The following SPATA6 variants were observed in gnomAD, a reference collection of about 807,000 sequenced individuals.
SPATA6 encodes spermatogenesis associated 6, also known as spermatogenesis-associated protein 6.
In SPATA6, 56 loss-of-function variants were observed where a neutral mutation model predicts 65.3. That is an observed-to-expected ratio of 0.86 (90% confidence interval 0.69 to 1.07). The LOEUF is 1.07. Ranked by LOEUF, SPATA6 falls within the 50% of genes least tolerant of loss-of-function variation. The pLI is 0.00. For synonymous variants in SPATA6, 199 were observed against 213.2 expected (o/e 0.93, Z 0.58); for missense variants, 590 against 594.8 (o/e 0.99, Z 0.08).
At chr1:48,453,862 G>GGAAGGAAGGTGAC (rs1420045174) in intron 1 of SPATA6, among the ~76,000 whole-genome samples, 2 of 150,788 alleles carry the variant, frequency 1.3e-5, no homozygotes, top group East Asian at 3.9e-4. Context: ...AGGAAGGTGA[G>GGAAGGAAGGTGAC]AAGGAAGGAA....
Position 48,436,480 on chromosome 1 carries a change from T to C in SPATA6, c.238+15072A>G, listed in dbSNP as rs1654948863. On this transcript the variant is annotated intron_variant, in intron 3 of 12. Transcript: ENST00000371847. ...CATTATCTTTGGAGCTGTGAGAGGG[T>C]TGAACTATCTGTACCAAAATGGCTG... 8 of 1,608,998 alleles carry C rather than the reference T, an allele frequency of 5.0e-6. No individual in the cohort carries two copies. In the East Asian group the frequency reaches 6.7e-5, roughly 13 times the overall value.
chr1:48,364,006 GT>G (rs1194987654), intron 9 of SPATA6, among the ~76,000 whole-genome samples: 1 of 151,032 alleles, frequency 6.6e-6, no homozygotes, highest in Non-Finnish European at 1.5e-5. Flanking sequence ...CTGTGTCCAT[GT>G]GCTCTCCTTG....
chr1:48,369,743 C>T (rs1358514851), intron 9 of SPATA6, among the ~76,000 whole-genome samples: 4 of 152,230 alleles, frequency 2.6e-5, no homozygotes, highest in Non-Finnish European at 5.9e-5. Context: ...TGAGGCAATG[C>T]CTCGTCCTGC....
At chr1:48,317,811 C>G (rs1645483292) in intron 11 of SPATA6, among the ~76,000 whole-genome samples, 1 of 152,156 alleles carries the variant, frequency 6.6e-6, no homozygotes, top group South Asian at 2.1e-4. Context: ...CTCACCAACT[C>G]ATTCTATAAG....
intron 7 of SPATA6, 48 bp downstream of exon 7, chr1:48,399,303 G>GA (rs532348242): frequency 5.5e-5 from 85 of 1,553,168 alleles, no homozygotes; most frequent in Admixed American, 8.2e-5. Context: ...GTTTTTTTGG[G>GA]AAAAAAGCTG....
chr1:48,364,273 T>G (rs1489209453), intron 9 of SPATA6, among the ~76,000 whole-genome samples: 2 of 152,246 alleles, frequency 1.3e-5, no homozygotes, highest in Non-Finnish European at 2.9e-5. Context: ...CATGTGCATG[T>G]GTCTTTATAG....
chr1:48,283,176 A>ACC, the SPATA6 span, among the ~76,000 whole-genome samples: 2 of 80,636 alleles, frequency 2.5e-5, no homozygotes, highest in Non-Finnish European at 4.8e-5. Context: ...CACTCTAGGG[A>ACC]CTGTTGTGGG....
At chr1:48,403,915 T>C (rs1224018785) in intron 5 of SPATA6, 33 bp from the exon 6 acceptor site, 1 of 1,462,964 alleles carries the variant, frequency 6.8e-7, no homozygotes. Flanking sequence ...TATTACACAT[T>C]TCCATTTAAA....
At chr1:48,462,633 A>G (rs1657532062) in intron 1 of SPATA6, among the ~76,000 whole-genome samples, 1 of 152,232 alleles carries the variant, frequency 6.6e-6, no homozygotes, top group African/African-American at 2.4e-5. Flanking sequence ...AATGACAGAT[A>G]GAGCCATACA....
rs2148160283 is a variant in SPATA6 at position 48,453,192 on chromosome 1, A to T, written c.52-61T>A. 3 of 1,500,556 alleles carry T rather than the reference A, an allele frequency of 2.0e-6. No homozygotes were observed. In the East Asian group the frequency reaches 7.1e-5, roughly 35 times the overall value. 93.0% of individuals were successfully genotyped at this position (1,500,556 alleles called of 1,614,324 possible). On this transcript the variant is annotated intron_variant, in intron 1 of 12. Transcript: ENST00000371847. ...TATAAATTCCCTGAACTATCCTACT[A>T]AAATAACTTATCAAATATTACATAA...
chr1:48,274,137 T>C, the SPATA6 span, among the ~76,000 whole-genome samples: 2,066 of 152,348 alleles, frequency 0.014, 27 homozygotes, highest in South Asian at 0.023. Flanking sequence ...GCCACATAAA[T>C]GTCTTCTTTT....
chr1:48,276,151 G>C, the SPATA6 span, among the ~76,000 whole-genome samples: 2 of 152,050 alleles, frequency 1.3e-5, no homozygotes, highest in African/African-American at 4.8e-5. Flanking sequence ...TTCTCTGATG[G>C]TATTTGTATT....
chr1:48,366,107 C>G (rs946458597), intron 9 of SPATA6, among the ~76,000 whole-genome samples: 2 of 152,068 alleles, frequency 1.3e-5, no homozygotes, highest in Non-Finnish European at 2.9e-5. Flanking sequence ...TATTGATTTG[C>G]GTATGTTGAA....
intron 3 of SPATA6, among the ~76,000 whole-genome samples, chr1:48,449,347 C>T (rs138587277): frequency 1.0e-3 from 158 of 152,254 alleles, no homozygotes; most frequent in African/African-American, 3.7e-3. Context: ...CATCACTAAA[C>T]GTAAAACAAT....
chr1:48,471,452 G>A (rs1019964472), intron 1 of SPATA6, among the ~76,000 whole-genome samples: 5 of 152,164 alleles, frequency 3.3e-5, no homozygotes, highest in African/African-American at 4.8e-5. Flanking sequence ...TGGATGTGAA[G>A]ATTCTCCTTC....
Position 48,472,058 on chromosome 1 carries a change from A to C in SPATA6, c.-50T>G. 2 of 997,168 alleles carry C rather than the reference A, an allele frequency of 2.0e-6. No individual in the cohort carries two copies. The highest frequency in any genetic ancestry group is 2.7e-6 in the Non-Finnish European group (2 of 738,038). The allele number at this position is 997,168 out of a possible 1,614,324, so 61.8% of individuals were successfully genotyped here. On this transcript the variant is annotated 5_prime_UTR_variant, in exon 1 of 13. Transcript: ENST00000371847. ...GTGACCCCGGCCACGGGCCCGAGTG[A>C]GGCGGGGAGACCTGGGGCTGGGCGG... is the stretch of plus-strand genomic sequence containing the variant.
chr1:48,397,179 A>G (rs1021056411), intron 7 of SPATA6, among the ~76,000 whole-genome samples: 3 of 151,700 alleles, frequency 2.0e-5, no homozygotes, highest in Admixed American at 6.6e-5. Flanking sequence ...CAGAAAGCAG[A>G]TTAGTGATTG....
At chr1:48,338,860 T>C (rs1033963578) in intron 11 of SPATA6, among the ~76,000 whole-genome samples, 1 of 152,038 alleles carries the variant, frequency 6.6e-6, no homozygotes, top group African/African-American at 2.4e-5. Flanking sequence ...TTTAATAACA[T>C]TTGAGAGTTG....
intron 3 of SPATA6, among the ~76,000 whole-genome samples, chr1:48,434,259 G>GAAAAA (rs530291772): frequency 5.6e-4 from 61 of 109,656 alleles, no homozygotes; most frequent in East Asian, 1.3e-3. Flanking sequence ...AGCAGTGAAA[G>GAAAAA]AAAAAAAAAA....
Sources: allele counts gnomAD v4.1 joint callset (sites outside exome capture counted in the v4.1 genomes callset), GRCh38; gene constraint gnomAD v4.1.1; transcripts MANE v1.5; gene names NCBI Gene and HGNC (gene_info 2026-07-23, HGNC 2026-07-21).